REDIC1: variants seen among roughly 807,000 people sequenced by gnomAD.
The protein encoded by REDIC1 is regulator of DNA class I crossover intermediates 1, also known as HEI10 Interacting Protein 1.
the REDIC1 span, among the ~76,000 whole-genome samples, chr12:39,789,174 C>A: frequency 6.6e-6 from 1 of 151,938 alleles, no homozygotes; most frequent in African/African-American, 2.4e-5. Flanking sequence ...TCCCTTGGCC[C>A]CAGAGATAAT....
chr12:39,710,659 G>C, the REDIC1 span, among the ~76,000 whole-genome samples: 1 of 151,556 alleles, frequency 6.6e-6, no homozygotes, highest in African/African-American at 2.4e-5. Context: ...CTATACTTAT[G>C]TTTTCTCTAT....
chr12:39,729,817 A>T, the REDIC1 span, among the ~76,000 whole-genome samples: 1 of 151,536 alleles, frequency 6.6e-6, no homozygotes, highest in Admixed American at 6.6e-5. Flanking sequence ...GATCTCTAAG[A>T]ACTTGCTTTA....
chr12:39,714,590 C>G, the REDIC1 span, among the ~76,000 whole-genome samples: 1 of 151,686 alleles, frequency 6.6e-6, no homozygotes, highest in Admixed American at 6.6e-5. Context: ...ATTAGTGGGA[C>G]TGCTGGACCA....
At chr12:39,666,238 C>G in the REDIC1 span, among the ~76,000 whole-genome samples, 1 of 152,178 alleles carries the variant, frequency 6.6e-6, no homozygotes, top group East Asian at 1.9e-4. Flanking sequence ...GAAATATGTC[C>G]CATCAATACC....
At chr12:39,860,923 A>G in the REDIC1 span, among the ~76,000 whole-genome samples, 1 of 152,086 alleles carries the variant, frequency 6.6e-6, no homozygotes, top group African/African-American at 2.4e-5. Context: ...GTCAAGGCAC[A>G]CCCCTGCTTA....
the REDIC1 span, among the ~76,000 whole-genome samples, chr12:39,703,722 C>G: frequency 6.6e-6 from 1 of 151,996 alleles, no homozygotes; most frequent in Admixed American, 6.6e-5. Flanking sequence ...GTACTGGTAC[C>G]AAAAGAGAGA....
the REDIC1 span, among the ~76,000 whole-genome samples, chr12:39,752,140 C>G: frequency 6.6e-6 from 1 of 152,154 alleles, no homozygotes; most frequent in Non-Finnish European, 1.5e-5. Context: ...TGCTTTCATG[C>G]AGTGTATCTT....
the REDIC1 span, among the ~76,000 whole-genome samples, chr12:39,879,404 T>C: frequency 2.6e-5 from 4 of 152,162 alleles, no homozygotes; most frequent in Non-Finnish European, 1.5e-5. Flanking sequence ...CTTCAACTCA[T>C]GGGATCAGCC....
chr12:39,819,314 TAGAA>T, the REDIC1 span, among the ~76,000 whole-genome samples: 1 of 152,190 alleles, frequency 6.6e-6, no homozygotes, highest in Non-Finnish European at 1.5e-5. Context: ...ATTTATGTCA[TAGAA>T]AGTTAAACTA....
chr12:39,698,594 CAACAA>C, the REDIC1 span, among the ~76,000 whole-genome samples: 14 of 152,106 alleles, frequency 9.2e-5, no homozygotes, highest in African/African-American at 2.2e-4. Flanking sequence ...ATACGTTAGG[CAACAA>C]AACAAGTCTT....
At chr12:39,637,743 T>C in the REDIC1 span, among the ~76,000 whole-genome samples, 2 of 152,084 alleles carry the variant, frequency 1.3e-5, no homozygotes, top group Non-Finnish European at 2.9e-5. Flanking sequence ...TAGGGATTCA[T>C]TGGCAAGTCC....
the REDIC1 span, among the ~76,000 whole-genome samples, chr12:39,906,988 G>T: frequency 6.6e-6 from 1 of 152,016 alleles, no homozygotes; most frequent in African/African-American, 2.4e-5. Context: ...TTGTCTCTTA[G>T]ATTTTTTCCA....
the REDIC1 span, among the ~76,000 whole-genome samples, chr12:39,818,929 A>T: frequency 6.6e-6 from 1 of 152,146 alleles, no homozygotes; most frequent in Non-Finnish European, 1.5e-5. Context: ...CTGTTTCCTA[A>T]GCCAATTAAT....
chr12:39,685,558 G>T, the REDIC1 span, among the ~76,000 whole-genome samples: 1 of 152,006 alleles, frequency 6.6e-6, no homozygotes, highest in Non-Finnish European at 1.5e-5. Context: ...CTCCCACCAA[G>T]CCCCACCTCC....
At chr12:39,790,570 TA>T in the REDIC1 span, among the ~76,000 whole-genome samples, 1 of 147,642 alleles carries the variant, frequency 6.8e-6, no homozygotes, top group Non-Finnish European at 1.5e-5. Flanking sequence ...TATGGCTGCA[TA>T]GTATTCCATG....
At chr12:39,784,990 G>GAAAC in the REDIC1 span, among the ~76,000 whole-genome samples, 1 of 152,168 alleles carries the variant, frequency 6.6e-6, no homozygotes, top group East Asian at 1.9e-4. Context: ...TTTTAAAAGG[G>GAAAC]AAACAGAACA....
chr12:39,719,977 G>GT, the REDIC1 span, among the ~76,000 whole-genome samples: 1 of 151,508 alleles, frequency 6.6e-6, no homozygotes, highest in African/African-American at 2.4e-5. Flanking sequence ...TTTATATTTA[G>GT]TTTTTTATAT....
the REDIC1 span, chr12:39,908,234 C>G: frequency 2.0e-5 from 3 of 152,024 alleles, no homozygotes; most frequent in African/African-American, 7.3e-5. Context: ...TGAAATGAGA[C>G]TATTATCTTC....
the REDIC1 span, among the ~76,000 whole-genome samples, chr12:39,896,492 A>G: frequency 6.8e-6 from 1 of 147,672 alleles, no homozygotes; most frequent in East Asian, 2.0e-4. Context: ...GTATATATGT[A>G]CACATATATG....
Sources: gnomAD v4.1 joint callset for allele counts (sites outside exome capture counted in the v4.1 genomes callset) on GRCh38, gnomAD v4.1.1 for gene constraint, MANE v1.5 for transcripts, NCBI Gene and HGNC (gene_info 2026-07-23, HGNC 2026-07-21) for gene names.